GALNT13: variants seen among roughly 807,000 people sequenced by gnomAD.
GALNT13 encodes the protein polypeptide N-acetylgalactosaminyltransferase 13, also known as UDP-GalNAc:polypeptide N-acetylgalactosaminyltransferase 13.
Under a neutral mutation model 64.2 loss-of-function variants are expected in GALNT13, and 28 were observed. The observed-to-expected ratio is 0.44, with a 90% confidence interval of 0.32 to 0.60. The LOEUF (loss-of-function observed/expected upper bound fraction) is 0.60, where lower values mean the gene tolerates loss of function less well. Ranked by LOEUF, GALNT13 falls within the 20% of genes least tolerant of loss-of-function variation. The pLI is 0.05. For missense variants in GALNT13, 577 were observed against 669.8 expected (o/e 0.86, Z 1.53); for synonymous variants, 214 against 224.6 (o/e 0.95, Z 0.42).
At chr2:153,102,707 C>G in the GALNT13 span, among the ~76,000 whole-genome samples, 1 of 152,182 alleles carries the variant, frequency 6.6e-6, no homozygotes, top group Non-Finnish European at 1.5e-5. Context: ...TATTACTTAT[C>G]TTCTTCAAGT....
At chr2:153,897,460 G>C (rs1033283501) in intron 1 of GALNT13, among the ~76,000 whole-genome samples, 1 of 152,090 alleles carries the variant, frequency 6.6e-6, no homozygotes, top group Non-Finnish European at 1.5e-5. Context: ...ATACTTGGAG[G>C]CATGTCGTAT....
At chr2:154,369,237 G>A (rs1697545499) in intron 9 of GALNT13, among the ~76,000 whole-genome samples, 1 of 152,052 alleles carries the variant, frequency 6.6e-6, no homozygotes, top group South Asian at 2.1e-4. Flanking sequence ...GGGAGAGGCA[G>A]CATGGCACTA....
the GALNT13 span, among the ~76,000 whole-genome samples, chr2:153,230,922 C>G: frequency 1.3e-5 from 2 of 152,156 alleles, no homozygotes; most frequent in Non-Finnish European, 2.9e-5. Context: ...AAAGCCCCAG[C>G]TTTTTAAATC....
At chr2:154,208,301 A>T (rs948151209) in intron 4 of GALNT13, among the ~76,000 whole-genome samples, 2 of 152,186 alleles carry the variant, frequency 1.3e-5, no homozygotes, top group Non-Finnish European at 2.9e-5. Context: ...TTGAGTCATT[A>T]TGAGAAAAGC....
At chr2:153,961,204 T>A (rs538847169) in intron 3 of GALNT13, among the ~76,000 whole-genome samples, 1 of 152,284 alleles carries the variant, frequency 6.6e-6, no homozygotes, top group African/African-American at 2.4e-5. Context: ...AGAGGAAGAA[T>A]ACATATTTTT....
the GALNT13 span, among the ~76,000 whole-genome samples, chr2:153,435,834 G>A: frequency 3.3e-5 from 5 of 151,838 alleles, no homozygotes; most frequent in South Asian, 2.1e-4. Context: ...TCTCCTGCCT[G>A]ATTGCCCTGG....
chr2:154,099,523 C>G (rs1430054950), intron 3 of GALNT13, among the ~76,000 whole-genome samples: 5 of 152,048 alleles, frequency 3.3e-5, no homozygotes, highest in African/African-American at 9.7e-5. Flanking sequence ...TTTTCCTAGG[C>G]TTTCTTCTAA....
At chr2:153,912,597 A>G (rs1014599169) in intron 2 of GALNT13, among the ~76,000 whole-genome samples, 2 of 151,084 alleles carry the variant, frequency 1.3e-5, no homozygotes, top group Admixed American at 6.6e-5. Flanking sequence ...CTTTTATCCT[A>G]TTTAATGACC....
the GALNT13 span, among the ~76,000 whole-genome samples, chr2:153,210,472 G>T: frequency 1.3e-5 from 2 of 152,016 alleles, no homozygotes; most frequent in African/African-American, 2.4e-5. Context: ...ATTAAATTTT[G>T]AACCGACCTT....
the GALNT13 span, among the ~76,000 whole-genome samples, chr2:153,433,169 A>G: frequency 6.6e-6 from 1 of 152,306 alleles, no homozygotes; most frequent in East Asian, 1.9e-4. Flanking sequence ...AAGAGAGGAA[A>G]TTGTAAAAAT....
intron 3 of GALNT13, among the ~76,000 whole-genome samples, chr2:154,034,891 T>C (rs1253309738): frequency 3.9e-5 from 6 of 152,092 alleles, no homozygotes; most frequent in Admixed American, 3.3e-4. Context: ...AAATGGCTAT[T>C]ATTAAAAAGT....
the GALNT13 span, among the ~76,000 whole-genome samples, chr2:153,781,785 A>G: frequency 6.6e-6 from 1 of 152,154 alleles, no homozygotes; most frequent in Non-Finnish European, 1.5e-5. Flanking sequence ...AAAAGAGATG[A>G]GAATTACTCT....
At chr2:153,578,407 G>A in the GALNT13 span, among the ~76,000 whole-genome samples, 1 of 152,086 alleles carries the variant, frequency 6.6e-6, no homozygotes, top group Non-Finnish European at 1.5e-5. Context: ...TTTATCATTA[G>A]GCCATGGAGA....
At chr2:153,103,578 T>C in the GALNT13 span, among the ~76,000 whole-genome samples, 2 of 152,260 alleles carry the variant, frequency 1.3e-5, no homozygotes, top group Non-Finnish European at 2.9e-5. Context: ...TTCAGGCCCC[T>C]GGGATGTACA....
chr2:153,952,811 T>C (rs74559254), intron 3 of GALNT13, among the ~76,000 whole-genome samples: 9,334 of 152,182 alleles, frequency 0.061, 593 homozygotes, highest in African/African-American at 0.16. Context: ...CTTCAATCTG[T>C]GGTTGAAGTT....
chr2:154,218,756 T>C (rs111412933), intron 4 of GALNT13, among the ~76,000 whole-genome samples: 3,130 of 152,196 alleles, frequency 0.021, 94 homozygotes, highest in African/African-American at 0.064. Context: ...TTGCCTTTCA[T>C]ACCTTAAACA....
the GALNT13 span, among the ~76,000 whole-genome samples, chr2:153,571,912 T>A: frequency 4.6e-5 from 7 of 151,596 alleles, no homozygotes; most frequent in Admixed American, 2.0e-4. Flanking sequence ...TTTTCTTTTT[T>A]TTTGATGTGT....
intron 9 of GALNT13, among the ~76,000 whole-genome samples, chr2:154,323,796 TA>T (rs77421953): frequency 0.15 from 23,267 of 151,844 alleles, 2,015 homozygotes; most frequent in Middle Eastern, 0.26. Flanking sequence ...CTATTCTAGG[TA>T]AAAGCAGCAT....
At chr2:154,024,207 C>T (rs1441389989) in intron 3 of GALNT13, among the ~76,000 whole-genome samples, 2 of 151,990 alleles carry the variant, frequency 1.3e-5, no homozygotes, top group South Asian at 2.1e-4. Context: ...ATCTTTGTGG[C>T]ATTCTCTGTA....
Sources: allele counts gnomAD v4.1 joint callset (sites outside exome capture counted in the v4.1 genomes callset), GRCh38; gene constraint gnomAD v4.1.1; transcripts MANE v1.5; gene names NCBI Gene and HGNC (gene_info 2026-07-23, HGNC 2026-07-21).